The following GPHN variants were observed in gnomAD, a reference collection of about 807,000 sequenced individuals.
The protein encoded by GPHN is gephyrin.
A neutral mutation model predicts 95.5 loss-of-function variants in GPHN; 17 were observed. That is an observed-to-expected ratio of 0.18 (90% CI 0.12 to 0.27). The LOEUF is 0.27. Among genes scored for constraint, GPHN ranks in the 10% least tolerant of loss-of-function variants. GPHN has a pLI of 1.00. For missense variants in GPHN, 660 were observed against 978.1 expected, an observed-to-expected ratio of 0.67 and a Z score of 4.34; for synonymous variants, 320 against 322.5, an observed-to-expected ratio of 0.99 and a Z score of 0.08.
chr14:66,542,475 A>G, intron 1 of GPHN, among the ~76,000 whole-genome samples: 1 of 152,040 alleles, frequency 6.6e-6, no homozygotes, highest in Non-Finnish European at 1.5e-5. Flanking sequence ...ATCTACCACC[A>G]TCTCCATCCA....
chr14:67,379,154 A>G, the GPHN span, among the ~76,000 whole-genome samples: 3 of 152,294 alleles, frequency 2.0e-5, no homozygotes, highest in African/African-American at 4.8e-5. Context: ...CCATTTGTCA[A>G]ACAGGGCTGT....
chr14:66,783,030 C>G (rs2059661004), intron 3 of GPHN, among the ~76,000 whole-genome samples: 1 of 152,014 alleles, frequency 6.6e-6, no homozygotes. Context: ...CTGGAACCAC[C>G]AACAGGTGGC....
At chr14:67,178,855 G>A (rs894394451) in intron 21 of GPHN, among the ~76,000 whole-genome samples, 69 of 152,160 alleles carry the variant, frequency 4.5e-4, no homozygotes, top group Middle Eastern at 3.4e-3. Context: ...GTCCACATTA[G>A]ACTAGCAGTA....
At chr14:66,634,750 C>T (rs1376657965) in intron 1 of GPHN, among the ~76,000 whole-genome samples, 3 of 152,078 alleles carry the variant, frequency 2.0e-5, no homozygotes, top group Non-Finnish European at 2.9e-5. Flanking sequence ...TATAAGATTG[C>T]TTTTTTTAAA....
chr14:66,934,293 T>C (rs1252466359), intron 8 of GPHN, among the ~76,000 whole-genome samples: 1 of 152,222 alleles, frequency 6.6e-6, no homozygotes, highest in Non-Finnish European at 1.5e-5. Context: ...ATGAGCTCAT[T>C]GCTACTTATT....
At chr14:67,223,893 A>G in the GPHN span, 21 of 985,686 alleles carry the variant, frequency 2.1e-5, no homozygotes, top group Non-Finnish European at 2.5e-5. Flanking sequence ...GACTGGCTGA[A>G]TCTTAATACC....
the GPHN span, chr14:67,578,138 T>A: frequency 6.8e-6 from 11 of 1,613,732 alleles, no homozygotes; most frequent in Non-Finnish European, 9.3e-6. This position sits in a 1 kb window ranked among gnomAD's most constrained non-coding sequence, Gnocchi z 5.0. Flanking sequence ...CAGAGTGAGA[T>A]CTACTGCCAA....
chr14:67,336,682 A>G, the GPHN span: 1 of 455,458 alleles, frequency 2.2e-6, no homozygotes, highest in African/African-American at 2.0e-5. Flanking sequence ...TTGACTTGTC[A>G]AAGTCTCAAT....
the GPHN span, chr14:67,337,744 T>C: frequency 6.6e-6 from 1 of 152,218 alleles, no homozygotes; most frequent in Non-Finnish European, 1.5e-5. Context: ...ACTCAAATGC[T>C]TCATCTTCAT....
At chr14:67,584,239 T>C in the GPHN span, 1 of 1,015,436 alleles carries the variant, frequency 9.8e-7, no homozygotes. Flanking sequence ...CAGAGGTCAC[T>C]ATCCCTCCAC....
chr14:67,008,281 A>G (rs537254625), intron 9 of GPHN, among the ~76,000 whole-genome samples: 24 of 151,806 alleles, frequency 1.6e-4, no homozygotes, highest in African/African-American at 5.3e-4. Context: ...ATGAAACCCC[A>G]TCTCTACTAA....
the GPHN span, chr14:67,578,549 G>A: frequency 6.8e-6 from 11 of 1,610,000 alleles, no homozygotes; most frequent in African/African-American, 8.0e-5. The surrounding 1 kb of genome is among the most constrained non-coding windows in gnomAD (Gnocchi z 5.0). Flanking sequence ...GCAGCTCCTC[G>A]CTCTGTGTGC....
At chr14:67,508,753 C>CAAAAAAAAAAAA in the GPHN span, among the ~76,000 whole-genome samples, 16 of 46,696 alleles carry the variant, frequency 3.4e-4, 1 homozygote, top group South Asian at 9.4e-4. Flanking sequence ...AACCTTGTCT[C>CAAAAAAAAAAAA]AAAAAAAAAA....
intron 5 of GPHN, among the ~76,000 whole-genome samples, chr14:66,885,972 T>G (rs2064169652): frequency 1.3e-5 from 2 of 151,794 alleles, no homozygotes; most frequent in Non-Finnish European, 2.9e-5. Context: ...TCCATTCAAA[T>G]GAAAACAATA....
the GPHN span, among the ~76,000 whole-genome samples, chr14:67,552,636 G>A: frequency 4.1e-5 from 6 of 147,384 alleles, no homozygotes; most frequent in East Asian, 8.3e-4. Flanking sequence ...GCGTGGTGGC[G>A]GGTGCCTGTA....
the GPHN span, among the ~76,000 whole-genome samples, chr14:67,561,505 AG>A: frequency 6.6e-6 from 1 of 152,080 alleles, no homozygotes; most frequent in South Asian, 2.1e-4. Flanking sequence ...CAGAGGTTGC[AG>A]TGAGCCAAGA....
intron 1 of GPHN, among the ~76,000 whole-genome samples, chr14:66,612,650 AC>A (rs941015346): frequency 1.8e-4 from 27 of 151,994 alleles, no homozygotes; most frequent in Non-Finnish European, 1.5e-4. Context: ...AACACATGAA[AC>A]CCAATCCCCC....
chr14:67,249,576 C>T, the GPHN span, among the ~76,000 whole-genome samples: 4 of 152,108 alleles, frequency 2.6e-5, no homozygotes, highest in Admixed American at 2.6e-4. Context: ...CAGGTTTTTA[C>T]AGTTTGTAGT....
At chr14:67,013,155 ATTG>A (rs2073107527) in intron 9 of GPHN, among the ~76,000 whole-genome samples, 1 of 151,860 alleles carries the variant, frequency 6.6e-6, no homozygotes, top group Admixed American at 6.6e-5. Context: ...TATTATTATT[ATTG>A]TTAATTTCTT....
Sources: gnomAD v4.1 joint callset for allele counts (sites outside exome capture counted in the v4.1 genomes callset) on GRCh38, gnomAD v4.1.1 for gene constraint, Gnocchi (gnomAD v3.1) non-coding constraint, MANE v1.5 for transcripts, NCBI Gene and HGNC (gene_info 2026-07-23, HGNC 2026-07-21) for gene names.